ATRNL1: variants seen among roughly 807,000 people sequenced by gnomAD.
ATRNL1 encodes attractin like 1.
A neutral mutation model predicts 182.7 loss-of-function variants in ATRNL1; 95 were observed. The observed-to-expected ratio is 0.52, with a 90% confidence interval of 0.44 to 0.62. ATRNL1 has a LOEUF of 0.62. Ranked by LOEUF, ATRNL1 falls within the 20% of genes least tolerant of loss-of-function variation. The pLI, the probability that ATRNL1 is intolerant of heterozygous loss-of-function variation, is 0.00. For synonymous variants in ATRNL1, 576 were observed against 568.3 expected (o/e 1.01, Z -0.19); for missense variants, 1,471 against 1,679.5 (o/e 0.88, Z 2.17).
intron 25 of ATRNL1, among the ~76,000 whole-genome samples, chr10:115,519,540 C>A: frequency 6.6e-6 from 1 of 152,032 alleles, no homozygotes; most frequent in Admixed American, 6.6e-5. Flanking sequence ...TATTTAATAG[C>A]CAATGGATTC....
chr10:115,107,549 C>T (rs547843456), intron 1 of ATRNL1, among the ~76,000 whole-genome samples: 67 of 152,262 alleles, frequency 4.4e-4, no homozygotes, highest in African/African-American at 1.4e-3. Flanking sequence ...TCATGCCTGC[C>T]GCTCTTATAG....
At chr10:115,112,168 T>C (rs1268184303) in intron 1 of ATRNL1, among the ~76,000 whole-genome samples, 5 of 152,088 alleles carry the variant, frequency 3.3e-5, no homozygotes, top group Admixed American at 3.3e-4. Context: ...CACAAGTAAA[T>C]GGAAAGATAC....
chr10:115,123,519 C>T (rs1224536723), intron 3 of ATRNL1, among the ~76,000 whole-genome samples: 1 of 152,142 alleles, frequency 6.6e-6, no homozygotes, highest in Non-Finnish European at 1.5e-5. Flanking sequence ...CATTTAATTA[C>T]AGAGACTGTG....
intron 7 of ATRNL1, 87 bp from the exon 8 acceptor site, chr10:115,170,950 T>G: frequency 1.2e-6 from 1 of 822,258 alleles, no homozygotes; most frequent in South Asian, 4.6e-5. Context: ...TACTAAAATT[T>G]TATGTAAATT....
chr10:115,837,983 T>C (rs996401339), intron 27 of ATRNL1, among the ~76,000 whole-genome samples: 2 of 152,212 alleles, frequency 1.3e-5, no homozygotes, highest in Non-Finnish European at 2.9e-5. Context: ...TTTAAACAAC[T>C]ACTTTTTGCC....
chr10:115,656,609 G>A (rs1427430063), intron 26 of ATRNL1, among the ~76,000 whole-genome samples: 1 of 152,204 alleles, frequency 6.6e-6, no homozygotes, highest in African/African-American at 2.4e-5. Context: ...ACTGGAATAA[G>A]TTGGTTCGAA....
chr10:115,850,489 T>G (rs1951029933), intron 28 of ATRNL1, among the ~76,000 whole-genome samples: 2 of 152,276 alleles, frequency 1.3e-5, no homozygotes, highest in East Asian at 3.9e-4. Flanking sequence ...ACTTCACATA[T>G]TTGAGAGGAA....
intron 28 of ATRNL1, among the ~76,000 whole-genome samples, chr10:115,850,978 T>C (rs1791957132): frequency 1.3e-5 from 2 of 152,204 alleles, no homozygotes; most frequent in Non-Finnish European, 2.9e-5. Context: ...GGCTATTTAT[T>C]TCTCCAAATG....
In ATRNL1 at chr10:115,297,854, C is replaced by T. The variant is rs149385600; in HGVS notation, c.2416-2180C>T. 2.6e-3 allele frequency among the ~76,000 whole-genome samples: 400 copies of T among 151,994 alleles called. 2 individuals are homozygous for T. The highest frequency in any genetic ancestry group is 9.4e-3 in the African/African-American group (388 of 41,472). On this transcript the variant is annotated intron_variant, in intron 15 of 28. Coordinates refer to ENST00000355044, the MANE Select transcript of ATRNL1 (RefSeq NM_207303.4). ...TCTTACAATATAACCTTGAAATGTG[C>T]TTTTTTGAGATTGCATATTTCAAGA...
rs532473585 is a variant in ATRNL1 at position 115,774,524 on chromosome 10, G to A, written c.3903+47169G>A. Among the ~76,000 whole-genome samples, 3 of 151,286 alleles carry A rather than the reference G, an allele frequency of 2.0e-5. No homozygotes were observed. The South Asian group carries it at 6.3e-4, about 32-fold the overall frequency. ...AGGGCCCAGATAATAGGGAAATTAA[G>A]CCTATAAGAGTCTTGATCACCTAAG... On this transcript the variant is annotated intron_variant, in intron 27 of 28. Transcript: ENST00000355044.
chr10:115,557,329 C>T (rs782345596), intron 26 of ATRNL1, among the ~76,000 whole-genome samples: 3 of 152,098 alleles, frequency 2.0e-5, no homozygotes, highest in Non-Finnish European at 4.4e-5. Context: ...GCATTTGAAA[C>T]CCTGAGCCTA....
intron 2 of ATRNL1, among the ~76,000 whole-genome samples, chr10:115,120,627 G>T (rs1844687173): frequency 6.6e-6 from 1 of 151,818 alleles, no homozygotes; most frequent in South Asian, 2.1e-4. Context: ...TAGTTCAAAG[G>T]GTATTTTTAA....
chr10:115,798,177 C>A (rs1036071170), intron 27 of ATRNL1, among the ~76,000 whole-genome samples: 13 of 152,204 alleles, frequency 8.5e-5, no homozygotes, highest in Middle Eastern at 3.4e-3. Flanking sequence ...TCGGCCTCCC[C>A]AAGTGCTGGG....
intron 28 of ATRNL1, among the ~76,000 whole-genome samples, chr10:115,940,650 C>T (rs970220314): frequency 2.6e-5 from 4 of 151,594 alleles, no homozygotes; most frequent in Non-Finnish European, 4.4e-5. Context: ...ACAAAGTGTG[C>T]TGAAAGGCAA....
chr10:115,621,272 TATATAG>T (rs1161711438), intron 26 of ATRNL1, among the ~76,000 whole-genome samples: 13 of 48,460 alleles, frequency 2.7e-4, no homozygotes, highest in African/African-American at 8.2e-4. Flanking sequence ...TATATATATA[TATATAG>T]AGAGAGAGAG....
chr10:115,890,049 A>G (rs1291357045), intron 28 of ATRNL1, among the ~76,000 whole-genome samples: 1 of 152,094 alleles, frequency 6.6e-6, no homozygotes, highest in African/African-American at 2.4e-5. Context: ...TGATATATAT[A>G]CTCATATATG....
At chr10:115,342,624 C>CA (rs782213666) in intron 19 of ATRNL1, among the ~76,000 whole-genome samples, 2 of 152,114 alleles carry the variant, frequency 1.3e-5, no homozygotes, top group Non-Finnish European at 2.9e-5. Context: ...GTATTTTACT[C>CA]ACCACAGTTA....
chr10:115,627,787 C>A (rs1246377154), intron 26 of ATRNL1, among the ~76,000 whole-genome samples: 1 of 152,058 alleles, frequency 6.6e-6, no homozygotes, highest in Non-Finnish European at 1.5e-5. Context: ...TGTTTGATAA[C>A]CTGTTTTTAC....
intron 18 of ATRNL1, among the ~76,000 whole-genome samples, chr10:115,324,610 C>T (rs1201320241): frequency 6.6e-6 from 1 of 152,180 alleles, no homozygotes; most frequent in African/African-American, 2.4e-5. Context: ...CTGACATATA[C>T]TTTAAGTTCC....
Sources: gnomAD v4.1 joint callset for allele counts (sites outside exome capture counted in the v4.1 genomes callset) on GRCh38, gnomAD v4.1.1 for gene constraint, MANE v1.5 for transcripts, NCBI Gene and HGNC (gene_info 2026-07-23, HGNC 2026-07-21) for gene names.